Variants in RGS22 observed in about 807,000 individuals in gnomAD.
The protein encoded by RGS22 is regulator of G protein signaling 22.
In RGS22, 148 loss-of-function variants were observed where a neutral mutation model predicts 172.9. The observed-to-expected ratio is 0.86, with a 90% CI of 0.75 to 0.98. RGS22 has a LOEUF of 0.98. Among genes scored for constraint, RGS22 ranks in the 50% least tolerant of loss-of-function variants. RGS22 has a pLI of 0.00. For synonymous variants in RGS22, 458 were observed against 480.2 expected, an observed-to-expected ratio of 0.95 and a Z score of 0.60; for missense variants, 1,347 against 1,440.8, an observed-to-expected ratio of 0.93 and a Z score of 1.05.
chr8:99,980,367 T>C (rs1021450820), intron 22 of RGS22, among the ~76,000 whole-genome samples: 1 of 152,216 alleles, frequency 6.6e-6, no homozygotes, highest in Non-Finnish European at 1.5e-5. Flanking sequence ...TTATGAGTCA[T>C]GTTGCAGATC....
chr8:100,022,583 CAAAT>C (rs993005434), intron 14 of RGS22, among the ~76,000 whole-genome samples: 2 of 151,806 alleles, frequency 1.3e-5, no homozygotes, highest in African/African-American at 4.8e-5. Flanking sequence ...ATCTAAGGAA[CAAAT>C]AAAGGTTTTA....
intron 14 of RGS22, among the ~76,000 whole-genome samples, chr8:100,034,144 G>C (rs946552854): frequency 1.3e-5 from 2 of 152,126 alleles, no homozygotes; most frequent in Non-Finnish European, 2.9e-5. Flanking sequence ...GAAATAAAGG[G>C]TATTCAAGTA....
rs192788681 is a variant in RGS22 at position 100,098,903 on chromosome 8, T to C, written c.55-5394A>G. 2.7e-4 allele frequency among the ~76,000 whole-genome samples: 23 copies of C among 83,930 alleles called. 2 individuals carry two copies. The highest frequency in any genetic ancestry group is 4.5e-4 in the Non-Finnish European group (18 of 40,098). 55.1% of individuals were successfully genotyped at this position (83,930 alleles called of 152,430 possible). A position where few individuals can be genotyped will look rare whatever the true frequency, so the allele number is the denominator to read the frequency against. ...TTTATTTTATTTTATTTTATTTTAT[T>C]TTATTTTATTTTATTTTATTTTATT... On this transcript the variant is annotated intron_variant, in intron 2 of 27. Coordinates refer to ENST00000360863, the MANE Select transcript of RGS22 (RefSeq NM_015668.5).
chr8:100,017,245 G>A (rs1436881431), intron 14 of RGS22, among the ~76,000 whole-genome samples: 2 of 151,900 alleles, frequency 1.3e-5, no homozygotes, highest in Non-Finnish European at 2.9e-5. Flanking sequence ...GCCTCCCAAA[G>A]TACTGGGATT....
intron 14 of RGS22, among the ~76,000 whole-genome samples, chr8:100,036,904 CA>C (rs1234825479): frequency 2.6e-5 from 4 of 152,126 alleles, no homozygotes; most frequent in Non-Finnish European, 5.9e-5. Flanking sequence ...TGGCCCATAG[CA>C]ATTTTTACAT....
intron 23 of RGS22, among the ~76,000 whole-genome samples, chr8:99,971,560 C>A (rs1395685903): frequency 6.6e-6 from 1 of 152,098 alleles, no homozygotes; most frequent in East Asian, 1.9e-4. Flanking sequence ...ACAAAAATTC[C>A]AAGCATTCCC....
intron 14 of RGS22, among the ~76,000 whole-genome samples, chr8:100,008,796 T>C (rs1816033381): frequency 6.6e-6 from 1 of 152,268 alleles, no homozygotes; most frequent in South Asian, 2.1e-4. Context: ...TAGTCAATTT[T>C]TCTCAGATTA....
At chr8:100,007,114 T>C (rs1446308145) in intron 15 of RGS22, among the ~76,000 whole-genome samples, 9 of 152,220 alleles carry the variant, frequency 5.9e-5, no homozygotes, top group African/African-American at 1.9e-4. Flanking sequence ...ATTTTGGTCA[T>C]TGAACTTAGT....
intron 12 of RGS22, 108 bp downstream of exon 12, chr8:100,041,694 C>T (rs527960494): frequency 2.4e-5 from 15 of 612,716 alleles, no homozygotes; most frequent in Non-Finnish European, 4.2e-5. Context: ...AAATGTGTTG[C>T]TTAGTAAAGA....
chr8:100,083,739 A>G (rs1335586593), intron 3 of RGS22, among the ~76,000 whole-genome samples: 1 of 152,078 alleles, frequency 6.6e-6, no homozygotes, highest in Non-Finnish European at 1.5e-5. Context: ...TCATGGCTTT[A>G]CAGCAAGTCC....
At chr8:100,004,124 A>C (rs1298901221) in intron 16 of RGS22, 26 bp from the exon 17 acceptor site, 1 of 1,561,548 alleles carries the variant, frequency 6.4e-7, no homozygotes, top group South Asian at 1.2e-5. Context: ...TTTTCAGCAA[A>C]AATCTCTTAA....
chr8:100,041,981 TG>T (rs1450378532), intron 11 of RGS22, 65 bp from the exon 12 acceptor site: 1 of 1,002,560 alleles, frequency 1.0e-6, no homozygotes, highest in Non-Finnish European at 1.5e-6. Flanking sequence ...AAACAAATTT[TG>T]AGCACTTTTG....
intron 2 of RGS22, among the ~76,000 whole-genome samples, chr8:100,098,854 A>ATTTTATTTTATTTTATTTTATT (rs59580013): frequency 4.6e-5 from 1 of 21,512 alleles, no homozygotes; most frequent in African/African-American, 2.5e-4. Context: ...TATTTATTTT[A>ATTTTATTTTATTTTATTTTATT]TTATTTTATT....
intron 9 of RGS22, among the ~76,000 whole-genome samples, chr8:100,053,679 A>G (rs1006293400): frequency 6.6e-6 from 1 of 152,134 alleles, no homozygotes; most frequent in East Asian, 1.9e-4. Flanking sequence ...TCTGTCACCC[A>G]GGCTGGAATG....
chr8:99,963,106 G>A, intron 24 of RGS22, 128 bp from the exon 25 acceptor site: 1 of 691,818 alleles, frequency 1.4e-6, no homozygotes, highest in East Asian at 3.2e-5. Flanking sequence ...AAAGAAAAGT[G>A]CACATCACAA....
intron 20 of RGS22, among the ~76,000 whole-genome samples, chr8:99,995,710 T>C (rs1394089401): frequency 1.3e-5 from 2 of 152,234 alleles, no homozygotes; most frequent in African/African-American, 4.8e-5. Flanking sequence ...TGGCGATTCC[T>C]CAAGGATCTA....
rs1810147420 is a variant in RGS22 at position 99,961,113 on chromosome 8, A to G, written c.*129T>C. 2 of 411,002 alleles carry G rather than the reference A, an allele frequency of 4.9e-6. No individual in the cohort carries two copies. The highest frequency in any genetic ancestry group is 6.4e-5 in the Admixed American group (2 of 31,046). The allele number at this position is 411,002 out of a possible 1,614,324, so 25.5% of individuals were successfully genotyped here. On this transcript the variant is annotated 3_prime_UTR_variant, in exon 28 of 28. Transcript: ENST00000360863. ...AAATCCAGAATCAAACTTTATTTAG[A>G]TGTTAGGCTTGCTCTGATACAGACC...
intron 14 of RGS22, among the ~76,000 whole-genome samples, chr8:100,021,179 T>C (rs554931802): frequency 6.6e-6 from 1 of 152,346 alleles, no homozygotes; most frequent in South Asian, 2.1e-4. Context: ...CAAAGCTACA[T>C]ACCAGTATAT....
At chr8:100,066,895 T>C (rs930433084) in intron 6 of RGS22, among the ~76,000 whole-genome samples, 7 of 152,172 alleles carry the variant, frequency 4.6e-5, no homozygotes. Flanking sequence ...GAGCATTCCA[T>C]TTTTCCTTTC....
Sources: gnomAD v4.1 joint callset for allele counts (sites outside exome capture counted in the v4.1 genomes callset) on GRCh38, gnomAD v4.1.1 for gene constraint, MANE v1.5 for transcripts, NCBI Gene and HGNC (gene_info 2026-07-23, HGNC 2026-07-21) for gene names.